The following TNFSF11 variants were observed in gnomAD, a reference collection of about 807,000 sequenced individuals.
TNFSF11 encodes the protein TNF superfamily member 11, also known as tumor necrosis factor ligand superfamily member 11.
A neutral mutation model predicts 32.2 loss-of-function variants in TNFSF11; 12 were observed. The ratio of observed to expected loss-of-function variants is 0.37; its 90% CI spans 0.24 to 0.60. The LOEUF (loss-of-function observed/expected upper bound fraction) is 0.60, where lower values mean the gene tolerates loss of function less well. TNFSF11 is among the 20% of genes least tolerant of loss of function. The pLI, the probability that TNFSF11 is intolerant of heterozygous loss-of-function variation, is 0.66. For synonymous variants in TNFSF11, 172 were observed against 152.1 expected (o/e 1.13, Z -0.96); for missense variants, 345 against 398.0 (o/e 0.87, Z 1.13).
At chr13:42,604,750 G>A (rs1416152207) in intron 4 of TNFSF11, among the ~76,000 whole-genome samples, 2 of 152,132 alleles carry the variant, frequency 1.3e-5, no homozygotes, top group Non-Finnish European at 2.9e-5. Flanking sequence ...AGGCTGGGAA[G>A]GTAACTAGTG....
At chr13:42,585,056 C>T (rs1341878259) in intron 2 of TNFSF11, among the ~76,000 whole-genome samples, 1 of 152,186 alleles carries the variant, frequency 6.6e-6, no homozygotes, top group Non-Finnish European at 1.5e-5. Context: ...CCATGTCTTT[C>T]CCTATGCCCA....
intron 2 of TNFSF11, among the ~76,000 whole-genome samples, chr13:42,595,963 G>A (rs1450722187): frequency 6.6e-6 from 1 of 152,176 alleles, no homozygotes; most frequent in Admixed American, 6.5e-5. Flanking sequence ...GGACTAATGT[G>A]GATGAAAAGA....
At chr13:42,586,729 C>T (rs894531488) in intron 2 of TNFSF11, among the ~76,000 whole-genome samples, 2 of 152,184 alleles carry the variant, frequency 1.3e-5, no homozygotes, top group East Asian at 1.9e-4. Flanking sequence ...GTCATATCCT[C>T]AACAAACCAT....
intron 2 of TNFSF11, among the ~76,000 whole-genome samples, chr13:42,587,271 A>T (rs1361233855): frequency 1.3e-5 from 2 of 152,170 alleles, no homozygotes; most frequent in East Asian, 3.8e-4. Context: ...TTACTCATAA[A>T]CCACATCTTG....
At chr13:42,590,093 C>T (rs1263298010) in intron 2 of TNFSF11, among the ~76,000 whole-genome samples, 2 of 152,220 alleles carry the variant, frequency 1.3e-5, no homozygotes. Context: ...ATGTGAGCTT[C>T]CCAAGGACAG....
At chr13:42,605,534 C>T (rs1869407206) in intron 4 of TNFSF11, among the ~76,000 whole-genome samples, 1 of 152,148 alleles carries the variant, frequency 6.6e-6, no homozygotes, top group South Asian at 2.1e-4. Flanking sequence ...GAAAATACAC[C>T]AAAGGACCTG....
At chr13:42,589,683 G>A (rs904912519) in intron 2 of TNFSF11, among the ~76,000 whole-genome samples, 2 of 152,074 alleles carry the variant, frequency 1.3e-5, no homozygotes, top group South Asian at 2.1e-4. Context: ...GAACTCTCCC[G>A]ACCTGGCCAT....
intron 2 of TNFSF11, among the ~76,000 whole-genome samples, chr13:42,582,650 C>A (rs753454436): frequency 6.6e-5 from 10 of 152,148 alleles, no homozygotes; most frequent in Non-Finnish European, 1.2e-4. Flanking sequence ...ATTACTTTTT[C>A]ATTATCATTA....
rs544424769 is a variant in TNFSF11 at position 42,601,591 on chromosome 13, C to A, written c.532+610C>A. Among the ~76,000 whole-genome samples, 12 of 152,314 alleles carry A rather than the reference C, an allele frequency of 7.9e-5. 1 individual carries two copies. Among genetic ancestry groups the A allele is most frequent in the African/African-American group, 2.9e-4 (12 of 41,564 alleles). ...ATACACCAGTTATTCCATCATACAA[C>A]CCCCACTGGTTACTTCACCATGGGC... On this transcript the variant is annotated intron_variant, in intron 4 of 4. Coordinates refer to ENST00000398795, the MANE Select transcript of TNFSF11 (RefSeq NM_003701.4).
At chr13:42,606,409 A>G (rs1436745713) in intron 4 of TNFSF11, 88 bp from the exon 5 acceptor site, 1 of 1,513,796 alleles carries the variant, frequency 6.6e-7, no homozygotes, top group Non-Finnish European at 9.2e-7. Flanking sequence ...CTGCTATACT[A>G]TTTTTTCTCC....
intron 2 of TNFSF11, among the ~76,000 whole-genome samples, chr13:42,599,443 C>G (rs1236448102): frequency 6.6e-6 from 1 of 151,908 alleles, no homozygotes; most frequent in East Asian, 1.9e-4. Flanking sequence ...CATGGCCTAT[C>G]TTTCAAACAC....
At position 42,584,206 on chromosome 13, in the gene TNFSF11, A is replaced by G. The variant is rs866058214; in HGVS notation, c.387+2913A>G. Among the ~76,000 whole-genome samples the G allele has an allele frequency of 2.6e-5, 4 of 152,248 alleles. No individual in the cohort carries two copies. In the South Asian group the frequency reaches 6.2e-4, roughly 24 times the overall value. On this transcript the variant is annotated intron_variant, in intron 2 of 4. Coordinates refer to ENST00000398795, the MANE Select transcript of TNFSF11 (RefSeq NM_003701.4). ...TGGGCCAAGGACAGCAGACAAATCC[A>G]TGGAAGAGAACAAGCGGCTTACTGT... is the stretch of plus-strand genomic sequence containing the variant.
At chr13:42,563,436 G>A (rs1414754067) in intron 1 of TNFSF11, among the ~76,000 whole-genome samples, 1 of 152,190 alleles carries the variant, frequency 6.6e-6, no homozygotes, top group East Asian at 1.9e-4. Flanking sequence ...GCCAAGGCGG[G>A]TGGATTACTT....
chr13:42,570,722 C>G (rs1428264116), upstream of TNFSF11, among the ~76,000 whole-genome samples: 2 of 152,064 alleles, frequency 1.3e-5, no homozygotes, highest in Non-Finnish European at 2.9e-5. Flanking sequence ...ATAATACAAT[C>G]ACTCTCAGCT....
chr13:42,599,943 G>C (rs1172225527), intron 2 of TNFSF11, among the ~76,000 whole-genome samples: 3 of 152,192 alleles, frequency 2.0e-5, no homozygotes, highest in African/African-American at 7.2e-5. Context: ...ATGGGGTGCT[G>C]TTAATATCCT....
chr13:42,600,453 T>G (rs1303732490), intron 2 of TNFSF11, among the ~76,000 whole-genome samples: 1 of 152,228 alleles, frequency 6.6e-6, no homozygotes, highest in Non-Finnish European at 1.5e-5. Context: ...TGCTACAGAT[T>G]TTTAATTATG....
chr13:42,604,067 T>A (rs1193364487), intron 4 of TNFSF11, among the ~76,000 whole-genome samples: 1 of 152,212 alleles, frequency 6.6e-6, no homozygotes, highest in African/African-American at 2.4e-5. Flanking sequence ...TTCCTTGCCT[T>A]CCTAGGCCAT....
chr13:42,566,941 G>A (rs1872891533), intron 2 of TNFSF11, among the ~76,000 whole-genome samples: 1 of 152,124 alleles, frequency 6.6e-6, no homozygotes, highest in Non-Finnish European at 1.5e-5. Context: ...GCAGTGAGCT[G>A]AGATTGCACC....
chr13:42,581,378 C>T, intron 2 of TNFSF11, 85 bp downstream of exon 2: 2 of 1,420,474 alleles, frequency 1.4e-6, no homozygotes, highest in South Asian at 1.2e-5. Context: ...GTGCTGTTGA[C>T]TCTGCTCTTT....
Sources: allele counts gnomAD v4.1 joint callset (sites outside exome capture counted in the v4.1 genomes callset), GRCh38; gene constraint gnomAD v4.1.1; transcripts MANE v1.5; gene names NCBI Gene and HGNC (gene_info 2026-07-23, HGNC 2026-07-21).